The following ADAMTSL1 variants were observed in gnomAD, a reference collection of about 807,000 sequenced individuals.
ADAMTSL1 encodes the protein ADAMTS like 1.
In ADAMTSL1, 126 loss-of-function variants were observed where a neutral mutation model predicts 201.8. That is an observed-to-expected ratio of 0.62 (90% CI 0.54 to 0.72). The LOEUF is 0.72. Among genes scored for constraint, ADAMTSL1 ranks in the 30% least tolerant of loss-of-function variants. The pLI is 0.00. For synonymous variants in ADAMTSL1, 1,121 were observed against 903.4 expected, an observed-to-expected ratio of 1.24 and a Z score of -4.32; for missense variants, 2,679 against 2,277.8, an observed-to-expected ratio of 1.18 and a Z score of -3.59.
chr9:18,499,360 A>G (rs1381352566), intron 1 of ADAMTSL1, among the ~76,000 whole-genome samples: 1 of 152,248 alleles, frequency 6.6e-6, no homozygotes, highest in Non-Finnish European at 1.5e-5. Context: ...AGGAGCAGGG[A>G]ATCACAACCC....
intron 1 of ADAMTSL1, among the ~76,000 whole-genome samples, chr9:18,140,378 G>T (rs182043750): frequency 1.3e-5 from 2 of 152,124 alleles, no homozygotes; most frequent in Admixed American, 1.3e-4. Context: ...AAAGGGAAAA[G>T]GTGTATGGGG....
In ADAMTSL1 at chr9:18,776,778, C is replaced by A; in HGVS notation, c.2552-3C>A. On this transcript the variant is annotated splice_polypyrimidine_tract_variant and splice_region_variant and intron_variant, in intron 18 of 28. Coordinates refer to ENST00000380548, the MANE Select transcript of ADAMTSL1 (RefSeq NM_001040272.6). ...TGTCCCTTCGGGTTCGCTCTCCTTC[C>A]AGGGCCCGGGCGGCCATCCACGAAG... is the stretch of plus-strand genomic sequence containing the variant. 2 of 1,542,794 alleles carry A rather than the reference C, an allele frequency of 1.3e-6. No homozygotes were observed. The highest frequency in any genetic ancestry group is 2.0e-5 in the Admixed American group (1 of 50,054).
intron 1 of ADAMTSL1, among the ~76,000 whole-genome samples, chr9:17,916,042 C>T (rs1252093457): frequency 6.6e-6 from 1 of 152,172 alleles, no homozygotes; most frequent in Non-Finnish European, 1.5e-5. Context: ...GCTTCTGCAT[C>T]CCAAGTAGCA....
At chr9:17,962,559 C>T (rs935453929) in intron 1 of ADAMTSL1, among the ~76,000 whole-genome samples, 1 of 152,158 alleles carries the variant, frequency 6.6e-6, no homozygotes, top group African/African-American at 2.4e-5. Context: ...TTATCTGAAT[C>T]ATTCATGGTT....
intron 7 of ADAMTSL1, 46 bp from the exon 8 acceptor site, chr9:18,657,593 G>T: frequency 6.9e-7 from 1 of 1,444,596 alleles, no homozygotes; most frequent in Non-Finnish European, 9.7e-7. Flanking sequence ...GGACCAGAAA[G>T]CACCGCACTG....
intron 1 of ADAMTSL1, among the ~76,000 whole-genome samples, chr9:18,069,487 G>T (rs773134912): frequency 1.5e-4 from 23 of 152,126 alleles, no homozygotes; most frequent in Non-Finnish European, 3.1e-4. Context: ...ATGCTTTGCA[G>T]CACACTCTGA....
chr9:18,583,556 T>TG (rs376287935), intron 4 of ADAMTSL1, among the ~76,000 whole-genome samples: 1 of 152,004 alleles, frequency 6.6e-6, no homozygotes, highest in Non-Finnish European at 1.5e-5. Context: ...GAACACCACC[T>TG]AGGAAAGCTG....
At chr9:18,292,842 C>G (rs1008781940) in intron 2 of ADAMTSL1, among the ~76,000 whole-genome samples, 9 of 152,184 alleles carry the variant, frequency 5.9e-5, no homozygotes, top group African/African-American at 2.2e-4. Flanking sequence ...TTCCTTGTTC[C>G]TCAACTTGCA....
At chr9:18,078,650 A>G (rs1234840764) in intron 1 of ADAMTSL1, among the ~76,000 whole-genome samples, 1 of 152,036 alleles carries the variant, frequency 6.6e-6, no homozygotes, top group Non-Finnish European at 1.5e-5. Flanking sequence ...GGTTTTTTCT[A>G]GACTTCTCTT....
chr9:18,553,474 A>G (rs1820917591), intron 3 of ADAMTSL1, among the ~76,000 whole-genome samples: 1 of 151,722 alleles, frequency 6.6e-6, no homozygotes, highest in Non-Finnish European at 1.5e-5. Context: ...TGATATAGTC[A>G]AAGTTTATTC....
In ADAMTSL1 at chr9:18,871,650, G is replaced by T. The variant is rs566972281; in HGVS notation, c.4250-16181G>T. On this transcript the variant is annotated intron_variant, in intron 23 of 28. Coordinates refer to ENST00000380548, the MANE Select transcript of ADAMTSL1 (RefSeq NM_001040272.6). ...AAACTACATTTTTCCATCCACAGGG[G>T]TGGTGATAAGGAAGAGCTTCTCTTA... is the stretch of plus-strand genomic sequence containing the variant. Among the ~76,000 whole-genome samples, 8 of 152,260 alleles carry T rather than the reference G, an allele frequency of 5.3e-5. No individual in the cohort carries two copies. The South Asian group carries it at 1.7e-3, about 32-fold the overall frequency.
At chr9:18,753,622 G>T in intron 16 of ADAMTSL1, 114 bp downstream of exon 16, 1 of 1,162,298 alleles carries the variant, frequency 8.6e-7, no homozygotes, top group Non-Finnish European at 1.2e-6. Context: ...TTCAAGATCT[G>T]CTCATTTCTC....
intron 1 of ADAMTSL1, among the ~76,000 whole-genome samples, chr9:18,046,747 T>C (rs1457586332): frequency 6.6e-6 from 1 of 152,152 alleles, no homozygotes; most frequent in African/African-American, 2.4e-5. Flanking sequence ...CTATGTAATC[T>C]TACAACAACC....
chr9:18,666,912 C>G (rs953914561), intron 9 of ADAMTSL1, among the ~76,000 whole-genome samples: 14 of 150,150 alleles, frequency 9.3e-5, no homozygotes, highest in African/African-American at 3.2e-4. Flanking sequence ...GCAAGTTACA[C>G]TTTGTGAGAC....
At chr9:18,590,929 A>G (rs1350006622) in intron 4 of ADAMTSL1, among the ~76,000 whole-genome samples, 1 of 152,118 alleles carries the variant, frequency 6.6e-6, no homozygotes, top group African/African-American at 2.4e-5. Flanking sequence ...ATTTTTTAAG[A>G]TTTGTTGTGT....
At chr9:17,997,609 C>T (rs576906729) in intron 1 of ADAMTSL1, among the ~76,000 whole-genome samples, 112 of 152,070 alleles carry the variant, frequency 7.4e-4, no homozygotes, top group South Asian at 6.7e-3. Flanking sequence ...CTCCACACAG[C>T]GATGCCTCTG....
At chr9:18,859,168 C>G (rs1827052345) in intron 23 of ADAMTSL1, among the ~76,000 whole-genome samples, 1 of 152,168 alleles carries the variant, frequency 6.6e-6, no homozygotes, top group African/African-American at 2.4e-5. Flanking sequence ...TTCTGGAGGT[C>G]AGAAGTCCAA....
At chr9:17,964,374 T>C (rs1370679918) in intron 1 of ADAMTSL1, among the ~76,000 whole-genome samples, 1 of 152,164 alleles carries the variant, frequency 6.6e-6, no homozygotes, top group Non-Finnish European at 1.5e-5. Context: ...CACTGTAGGA[T>C]TCTATTTATG....
intron 1 of ADAMTSL1, among the ~76,000 whole-genome samples, chr9:17,956,989 A>G (rs1827957396): frequency 6.6e-6 from 1 of 152,184 alleles, no homozygotes; most frequent in Non-Finnish European, 1.5e-5. Flanking sequence ...GTTACTGCTA[A>G]CATGTATAAT....
Sources: allele counts gnomAD v4.1 joint callset (sites outside exome capture counted in the v4.1 genomes callset), GRCh38; gene constraint gnomAD v4.1.1; transcripts MANE v1.5; gene names NCBI Gene and HGNC (gene_info 2026-07-23, HGNC 2026-07-21).